Variants in ATRX observed in about 807,000 individuals in gnomAD.
ATRX encodes chromatin remodeler ATRX.
A neutral mutation model predicts 172.6 loss-of-function variants in ATRX; 12 were observed. The ratio of observed to expected loss-of-function variants is 0.07; its 90% CI spans 0.04 to 0.11. ATRX has a LOEUF of 0.11. Among genes scored for constraint, ATRX ranks in the 10% least tolerant of loss-of-function variants. The pLI is 1.00. For missense variants in ATRX, 1,368 were observed against 1,767.4 expected (o/e 0.77, Z 4.05); for synonymous variants, 674 against 594.7 (o/e 1.13, Z -1.94).
chrX:77,785,946 G>A, intron 1 of ATRX, 36 bp downstream of exon 1: 3 of 1,179,574 alleles, frequency 2.5e-6, no homozygotes, highest in African/African-American at 1.8e-5. Context: ...CCTGGGCCCA[G>A]ACCGCTGGGG....
chrX:77,763,453 ATTTTC>A (rs1241725877), intron 1 of ATRX, among the ~76,000 whole-genome samples: 2 of 68,234 alleles, frequency 2.9e-5, no homozygotes, highest in African/African-American at 1.2e-4. Context: ...CCATTATACT[ATTTTC>A]TTTTTTCTTT....
At chrX:77,641,797 G>T (rs1478520243) in intron 15 of ATRX, among the ~76,000 whole-genome samples, 2 of 110,299 alleles carry the variant, frequency 1.8e-5, no homozygotes, top group African/African-American at 6.6e-5. Context: ...GAAACAGAGG[G>T]GGGAAAATAA....
chrX:77,519,355 T>C (rs782770734), intron 34 of ATRX, among the ~76,000 whole-genome samples: 2 of 111,634 alleles, frequency 1.8e-5, no homozygotes, highest in East Asian at 2.8e-4. Flanking sequence ...TCTGAATAGA[T>C]ATTTCTCGAA....
Position 77,589,882 on chromosome X carries a change from C to G in ATRX, c.6169G>C (p.Ala2057Pro), listed in dbSNP as rs2148089567. The G allele has an allele frequency of 8.3e-7, 1 of 1,210,120 alleles. No individual in the cohort carries two copies. The highest frequency in any genetic ancestry group is 1.1e-6 in the Non-Finnish European group (1 of 894,602). Residue 2057 changes from alanine to proline, a missense_variant, in exon 27 of 35, where the codon GCT becomes CCT. Physicochemically the swap from Ala to Pro is conservative, Grantham distance 27. Transcript: ENST00000373344. ...LDLIEDFLEL[A>P]SREKTEDKDK... is the part of the protein sequence containing the mutation. ...TTATCTTCTGTCTTCTCCCTACTAG[C>G]TAATTCAAGAAAATCTTCAATCAAG... is the stretch of plus-strand genomic sequence containing the variant.
At chrX:77,547,418 G>A (rs1275701200) in intron 30 of ATRX, among the ~76,000 whole-genome samples, 1 of 111,454 alleles carries the variant, frequency 9.0e-6, no homozygotes, top group Non-Finnish European at 1.9e-5. Flanking sequence ...TAACCCAAAT[G>A]TTTTCCCTAA....
intron 1 of ATRX, among the ~76,000 whole-genome samples, chrX:77,731,234 T>C (rs1400855567): frequency 1.8e-5 from 2 of 111,664 alleles, no homozygotes; most frequent in African/African-American, 6.5e-5. Context: ...CTGGAAAACC[T>C]AGAAGAAATG....
chrX:77,780,742 A>G (rs943227217), intron 1 of ATRX, among the ~76,000 whole-genome samples: 11 of 109,409 alleles, frequency 1.0e-4, no homozygotes, highest in African/African-American at 3.6e-4. Context: ...GGAGTTCAAG[A>G]CCAGACTGGG....
chrX:77,717,076 T>A, intron 2 of ATRX, 55 bp downstream of exon 2: 1 of 850,018 alleles, frequency 1.2e-6, no homozygotes. Context: ...TCCATAAGTG[T>A]AAAAAAAAAA....
rs1231732284 is a variant in ATRX at position 77,766,967 on chromosome X, CG to C, written c.20+19014del. On this transcript the variant is annotated intron_variant, in intron 1 of 34. Coordinates refer to ENST00000373344, the MANE Select transcript of ATRX (RefSeq NM_000489.6). ...GTGAACGAGACTCCGTCTGCAATCC[CG>C]GCACCTCGGGAGGCCGAGGCTGGCG... Among the ~76,000 whole-genome samples, 3 of 110,414 alleles carry C rather than the reference CG, an allele frequency of 2.7e-5. No homozygotes were observed. The Admixed American group carries it at 2.9e-4, about 11-fold the overall frequency.
chrX:77,516,403 G>A (rs782426577), intron 34 of ATRX, among the ~76,000 whole-genome samples: 2 of 111,504 alleles, frequency 1.8e-5, no homozygotes, highest in Non-Finnish European at 3.8e-5. Flanking sequence ...GATATTTCAT[G>A]AAAATGGAAA....
At chrX:77,751,238 T>C (rs186383429) in intron 1 of ATRX, among the ~76,000 whole-genome samples, 23 of 112,696 alleles carry the variant, frequency 2.0e-4, no homozygotes, top group Admixed American at 2.8e-4. Flanking sequence ...TGGCGTGAGA[T>C]GGTATCTCAT....
chrX:77,683,304 G>C lies in ATRX; in HGVS notation c.1952C>G (p.Ser651Cys), dbSNP rs1557140502. The change falls in exon 9 of 35, where the codon TCT becomes TGT. Residue 651 changes from serine to cysteine, a missense_variant. Ser to Cys is a moderately radical substitution (Grantham distance 112). Around this residue, in one of 17 missense-constraint regions of ATRX, gnomAD observed 843 missense variants for 643.1 expected, o/e 1.31. Coordinates refer to ENST00000373344, the MANE Select transcript of ATRX (RefSeq NM_000489.6). ...ENEVSLLLEE[S>C]DLRRSPRVKT... ...TACACGTGGGGATCTTCGAAGATCAGATTCCTCTAAAAGTAATGAAACTTC... is the reference window on the plus strand; with the variant it reads ...TACACGTGGGGATCTTCGAAGATCACATTCCTCTAAAAGTAATGAAACTTC... 3.3e-6 allele frequency: 4 copies of C among 1,210,472 alleles called. No homozygotes were observed. The highest frequency in any genetic ancestry group is 4.5e-6 in the Non-Finnish European group (4 of 894,691).
At chrX:77,513,732 A>C (rs2062957376) in intron 34 of ATRX, among the ~76,000 whole-genome samples, 2 of 111,644 alleles carry the variant, frequency 1.8e-5, no homozygotes. Flanking sequence ...ACTCCTATTC[A>C]ACATAGTATT....
intron 1 of ATRX, among the ~76,000 whole-genome samples, chrX:77,785,347 T>TC (rs1288675675): frequency 1.8e-5 from 2 of 109,031 alleles, no homozygotes; most frequent in African/African-American, 6.7e-5. Context: ...CTGTGTTAAG[T>TC]CCCCCCTCGC....
chrX:77,558,560 G>T, intron 29 of ATRX, 109 bp downstream of exon 29: 3 of 710,342 alleles, frequency 4.2e-6, no homozygotes, highest in Non-Finnish European at 6.3e-6. Context: ...TACAGAAATG[G>T]TATTTCCAAC....
At chrX:77,641,357 C>T (rs2068643999) in intron 15 of ATRX, among the ~76,000 whole-genome samples, 2 of 110,411 alleles carry the variant, frequency 1.8e-5, no homozygotes, top group Admixed American at 9.7e-5. Flanking sequence ...GTAGGTGAAT[C>T]GCTTGAGCTC....
chrX:77,697,915 G>A (rs932749083), intron 3 of ATRX, among the ~76,000 whole-genome samples: 1 of 111,527 alleles, frequency 9.0e-6, no homozygotes, highest in East Asian at 2.8e-4. Context: ...GGCATGCTGC[G>A]GGGAATACAC....
intron 10 of ATRX, among the ~76,000 whole-genome samples, chrX:77,669,539 G>A (rs937907321): frequency 2.7e-5 from 3 of 111,147 alleles, no homozygotes; most frequent in South Asian, 3.8e-4. Flanking sequence ...GACCAGGATG[G>A]TCTCAAACTC....
At chrX:77,592,807 C>T (rs1397902540) in intron 26 of ATRX, among the ~76,000 whole-genome samples, 12 of 106,134 alleles carry the variant, frequency 1.1e-4, no homozygotes, top group East Asian at 5.9e-4. Flanking sequence ...AGCAAAACTC[C>T]GTCTCAAAAA....
Sources: allele counts gnomAD v4.1 joint callset (sites outside exome capture counted in the v4.1 genomes callset), GRCh38; gene constraint gnomAD v4.1.1; regional missense constraint gnomAD v4.1.1; transcripts MANE v1.5; gene names NCBI Gene and HGNC (gene_info 2026-07-23, HGNC 2026-07-21).